Variants in YY1AP1 observed in about 807,000 individuals in gnomAD.
The protein encoded by YY1AP1 is YY1 associated protein 1.
YY1AP1 carries 43 observed loss-of-function variants against 39.9 expected under a neutral mutation model. The observed-to-expected ratio is 1.08, with a 90% CI of 0.84 to 1.39. The LOEUF (loss-of-function observed/expected upper bound fraction) is 1.39, where lower values mean the gene tolerates loss of function less well. YY1AP1 is among the 40% of genes most tolerant of loss of function. The pLI is 0.00. For missense variants in YY1AP1, 813 were observed against 900.7 expected (o/e 0.90, Z 1.25); for synonymous variants, 292 against 331.3 (o/e 0.88, Z 1.29).
chr1:155,668,869 C>A, intron 8 of YY1AP1, 92 bp from the exon 9 acceptor site: 2 of 1,577,688 alleles, frequency 1.3e-6, no homozygotes, highest in Non-Finnish European at 1.7e-6. Flanking sequence ...TCTACTTTTT[C>A]TTACTTGTTC....
intron 9 of YY1AP1, among the ~76,000 whole-genome samples, chr1:155,665,638 C>G (rs903991036): frequency 6.7e-6 from 1 of 149,814 alleles, no homozygotes; most frequent in African/African-American, 2.5e-5. Context: ...CAAGGCCAGG[C>G]GTGGTGTCTC....
rs754789733 is a variant in YY1AP1 at position 155,675,089 on chromosome 1, T to C, written c.332A>G (p.Gln111Arg). The C allele has an allele frequency of 1.9e-6, 3 of 1,613,384 alleles. No homozygotes were observed. The highest frequency in any genetic ancestry group is 1.7e-5 in the Admixed American group (1 of 59,992). Reference protein sequence around the residue: ...RLQQQMQQHVQLLTQIHLLAT... With the variant: ...RLQQQMQQHVRLLTQIHLLAT... ...AAGAAGGTGGATTTGTGTCAAGAGCTGAACATGCTGGGGAGAGAAAGAAAA... is the reference window on the plus strand; with the variant it reads ...AAGAAGGTGGATTTGTGTCAAGAGCCGAACATGCTGGGGAGAGAAAGAAAA... The change falls in exon 6 of 11, where the codon CAG (glutamine) becomes CGG (arginine). Residue 111 changes from glutamine (Q) to arginine (R), a missense_variant. By Grantham distance (43) the Gln-to-Arg change is conservative. Around this residue, in one of 3 missense-constraint regions of YY1AP1, gnomAD observed 196 missense variants for 189.7 expected, o/e 1.03. Transcript: ENST00000355499.
Position 155,663,743 on chromosome 1 carries a change from AAAAG to A in YY1AP1, c.880-2324_880-2321del, listed in dbSNP as rs553338665. On this transcript the variant is annotated intron_variant, in intron 9 of 10. Coordinates refer to ENST00000355499, the MANE Select transcript of YY1AP1 (RefSeq NM_139119.3). ...CAAAACAAACAAACAAACAAAAACA[AAAAG>A]AAAGTACTTTTTAAAAAACCATGGA... Among the ~76,000 whole-genome samples the A allele has an allele frequency of 7.2e-3, 1,093 of 152,076 alleles. 4 individuals are homozygous for A. The highest frequency in any genetic ancestry group is 0.012 in the Non-Finnish European group (784 of 68,000).
Position 155,659,922 on chromosome 1 carries a change from T to A in YY1AP1, c.1988A>T (p.Glu663Val). The A allele has an allele frequency of 6.2e-7, 1 of 1,614,248 alleles. No individual in the cohort carries two copies. The highest frequency in any genetic ancestry group is 1.1e-5 in the South Asian group (1 of 91,084). Residue 663 changes from glutamate to valine, a missense_variant, in exon 11 of 11, where the codon GAA becomes GTA. By Grantham distance (121) the Glu-to-Val change is moderately radical. Transcript: ENST00000355499. ...AACAGTAGCAGAGAGAGGAGATAGT[T>A]CCTGGGGCTCTAATTTGGGTTCTAG... The part of the protein sequence containing the change: ...QGLEPKLEPQ[E>V]LSPLSATVFP...
intron 10 of YY1AP1, 85 bp downstream of exon 10, chr1:155,661,222 T>C (rs767855245): frequency 3.7e-6 from 6 of 1,613,712 alleles, no homozygotes; most frequent in South Asian, 3.3e-5. Context: ...ACTAAAGCAT[T>C]AGACGATTAA....
intron 7 of YY1AP1, chr1:155,670,938 T>A: frequency 5.9e-6 from 1 of 169,194 alleles, no homozygotes; most frequent in Non-Finnish European, 1.3e-5. Flanking sequence ...CCTAAAGTGT[T>A]GGATTACAGG....
intron 9 of YY1AP1, among the ~76,000 whole-genome samples, chr1:155,666,121 T>G (rs1339791726): frequency 6.9e-6 from 1 of 145,524 alleles, no homozygotes; most frequent in Admixed American, 7.0e-5. Context: ...TATACAGTCC[T>G]TAAAATCTAT....
rs1256118876 is a variant in YY1AP1, at chr1:155,660,688, G to A, written c.1222C>T (p.Arg408Cys). The A allele has an allele frequency of 6.2e-6, 10 of 1,614,110 alleles. No individual in the cohort carries two copies. The highest frequency in any genetic ancestry group is 7.6e-6 in the Non-Finnish European group (9 of 1,180,052). ...RFPKKAWRQK[R>C]SSVLKPLLIQ... ...AGGAGGGGTTTCAGGACTGATGAAC[G>A]CTTCTGTCTCCAAGCCTTCTTGGGG... Residue 408 changes from arginine to cysteine, a missense_variant, in exon 11 of 11, where the codon CGT becomes TGT. Physicochemically the swap from Arg to Cys is radical, Grantham distance 180 (BLOSUM62 -3). Coordinates refer to ENST00000355499, the MANE Select transcript of YY1AP1 (RefSeq NM_139119.3).
rs1331964544 is a variant in YY1AP1 at position 155,659,964 on chromosome 1, T to C, written c.1946A>G (p.Glu649Gly). The C allele has an allele frequency of 6.2e-7, 1 of 1,614,208 alleles. No homozygotes were observed. Among genetic ancestry groups the C allele is most frequent in the Admixed American group, 1.7e-5 (1 of 60,024 alleles). ...GGGTTCTAGGCCCTGAAAGGCATTT[T>C]CCCCATCAGCCACAGCACAAGCAAT... ...VDIACAVADG[E>G]NAFQGLEPKL... Residue 649 changes from glutamate (E) to glycine (G), a missense_variant, in exon 11 of 11, where the codon GAA (glutamate) becomes GGA (glycine). Physicochemically the swap from Glu to Gly is moderately conservative, Grantham distance 98. Transcript: ENST00000355499.
intron 2 of YY1AP1, among the ~76,000 whole-genome samples, chr1:155,685,031 A>C (rs995877009): frequency 6.6e-6 from 1 of 152,242 alleles, no homozygotes; most frequent in African/African-American, 2.4e-5. Context: ...AGACCTTTTT[A>C]CATAAACTCA....
At position 155,670,484 on chromosome 1, in the gene YY1AP1, T is replaced by C; in HGVS notation, c.584-20A>G. On this transcript the variant is annotated intron_variant, in intron 7 of 10. Transcript: ENST00000355499. ...CATTGGCTATAAGAAAATAAATCTC[T>C]GATAAATCAACTTCTAGGAAAAAAG... is the stretch of plus-strand genomic sequence containing the variant. 2.5e-6 allele frequency: 4 copies of C among 1,613,128 alleles called. 1 individual carries two copies. In the South Asian group the frequency reaches 4.4e-5, roughly 18 times the overall value.
At chr1:155,661,907 C>T (rs930371538) in intron 9 of YY1AP1, among the ~76,000 whole-genome samples, 7 of 152,182 alleles carry the variant, frequency 4.6e-5, no homozygotes, top group Non-Finnish European at 7.4e-5. Context: ...CCACCCGCCT[C>T]GGCCTCCCAA....
In YY1AP1 at chr1:155,660,073, C is replaced by A. The variant is rs767577484; in HGVS notation, c.1837G>T (p.Val613Phe). 2 of 1,614,118 alleles carry A rather than the reference C, an allele frequency of 1.2e-6. No homozygotes were observed. Among genetic ancestry groups the A allele is most frequent in the South Asian group, 2.2e-5 (2 of 91,078 alleles). The change falls in exon 11 of 11, where the codon GTC (valine) becomes TTC (phenylalanine). Residue 613 changes from valine to phenylalanine, a missense_variant. Physicochemically the swap from Val to Phe is conservative, Grantham distance 50. Transcript: ENST00000355499. ...PLNQPLVASS[V>F]SPLIVSGNSV... is the part of the protein sequence containing the mutation. ...TTGCCAGAAACAATTAAGGGTGAGA[C>A]AGAGGAGGCCACAAGGGGCTGGTTC...
At chr1:155,661,054 A>G in intron 10 of YY1AP1, 141 bp from the exon 11 acceptor site, 1 of 1,498,498 alleles carries the variant, frequency 6.7e-7, no homozygotes, top group Non-Finnish European at 9.0e-7. Flanking sequence ...CAAAGACCAC[A>G]GTCCAATTAT....
In YY1AP1 at chr1:155,679,409, C is replaced by G. The variant is rs777901819; in HGVS notation, c.125G>C (p.Arg42Pro). The G allele has an allele frequency of 6.2e-7, 1 of 1,614,142 alleles. No individual in the cohort carries two copies. Among genetic ancestry groups the G allele is most frequent in the Non-Finnish European group, 8.5e-7 (1 of 1,180,022 alleles). Reference sequence around the variant, plus strand: ...ATCTCAAGGTCTTCAACTAGCCTACCGTAGAGCTTGAGGGGTGTTAAAGTT... The same window carrying G: ...ATCTCAAGGTCTTCAACTAGCCTACGGTAGAGCTTGAGGGGTGTTAAAGTT... ...QANFNTPQAL[R>P]FEELLANLLN... is the part of the protein sequence containing the mutation. Residue 42 changes from arginine to proline, a missense_variant and splice_region_variant, in exon 4 of 11, where the codon CGG becomes CCG. By Grantham distance (103) the Arg-to-Pro change is moderately radical. Around this residue, in one of 3 missense-constraint regions of YY1AP1, gnomAD observed 196 missense variants for 189.7 expected, o/e 1.03. Coordinates refer to ENST00000355499, the MANE Select transcript of YY1AP1 (RefSeq NM_139119.3).
rs577801970 is a variant in YY1AP1 at position 155,686,536 on chromosome 1, T to C, written c.-21+1535A>G. ...CCCCTCAGATTGCATCCAGGCTATT[T>C]ACAGAGACACCTTGATGATCCTCAC... On this transcript the variant is annotated intron_variant, in intron 2 of 10. Coordinates refer to ENST00000355499, the MANE Select transcript of YY1AP1 (RefSeq NM_139119.3). 2.0e-5 allele frequency among the ~76,000 whole-genome samples: 3 copies of C among 152,162 alleles called. No individual in the cohort carries two copies. In the South Asian group the frequency reaches 6.2e-4, roughly 32 times the overall value.
chr1:155,676,836 A>G (rs1650768437), intron 4 of YY1AP1, 90 bp from the exon 5 acceptor site: 4 of 1,295,584 alleles, frequency 3.1e-6, no homozygotes, highest in South Asian at 2.5e-5. Context: ...GAGCCTGAAC[A>G]ATTTTCATTC....
At chr1:155,667,440 G>C (rs1364102317) in intron 9 of YY1AP1, among the ~76,000 whole-genome samples, 1 of 151,910 alleles carries the variant, frequency 6.6e-6, no homozygotes, top group African/African-American at 2.4e-5. Flanking sequence ...TGAGGTTGCA[G>C]TGACCTATGA....
At position 155,659,849 on chromosome 1, in the gene YY1AP1, C is replaced by CT. The variant is rs1558294441; in HGVS notation, c.2060dup (p.Cys688ValfsTer53). 6.2e-7 allele frequency: 1 copy of CT among 1,614,182 alleles called. No homozygotes were observed. Among genetic ancestry groups the CT allele is most frequent in the Non-Finnish European group, 8.5e-7 (1 of 1,180,004 alleles). On this transcript the variant is annotated frameshift_variant, in exon 11 of 11. Coordinates refer to ENST00000355499, the MANE Select transcript of YY1AP1 (RefSeq NM_139119.3). LOFTEE classifies it low-confidence loss of function (END_TRUNC). The stretch of plus-strand genomic sequence containing the variant: ...TGTTCTCTGACAATCCTTCTTGGCA[C>CT]TGTTTATCGACTGGTGGAGGCCCTG...
Sources: gnomAD v4.1 joint callset for allele counts (sites outside exome capture counted in the v4.1 genomes callset) on GRCh38, gnomAD v4.1.1 for gene constraint, gnomAD v4.1.1 regional missense constraint, MANE v1.5 for transcripts, NCBI Gene and HGNC (gene_info 2026-07-23, HGNC 2026-07-21) for gene names.